ITGA4: variants seen among roughly 807,000 people sequenced by gnomAD.
ITGA4 encodes the protein integrin alpha-4.
ITGA4 carries 63 observed loss-of-function variants against 133.6 expected under a neutral mutation model. The observed-to-expected ratio is 0.47, with a 90% confidence interval of 0.38 to 0.58. The LOEUF is 0.58. ITGA4 is among the 20% of genes least tolerant of loss of function. The pLI, the probability that ITGA4 is intolerant of heterozygous loss-of-function variation, is 0.00. For synonymous variants in ITGA4, 483 were observed against 438.0 expected (o/e 1.10, Z -1.28); for missense variants, 1,076 against 1,252.7 (o/e 0.86, Z 2.13).
intron 21 of ITGA4, 29 bp downstream of exon 21, chr2:181,525,320 AT>A: frequency 1.7e-6 from 2 of 1,173,956 alleles, no homozygotes; most frequent in Non-Finnish European, 2.5e-6. Context: ...TTCCTTTCAA[AT>A]TTAGAGCTGA....
At position 181,538,589 on chromosome 2, in the gene ITGA4, C is replaced by T. The variant is rs949571017; in HGVS notation, c.*3062C>T. Among the ~76,000 whole-genome samples the T allele has an allele frequency of 9.9e-5, 15 of 152,142 alleles. No homozygotes were observed. Among genetic ancestry groups the T allele is most frequent in the African/African-American group, 3.6e-4 (15 of 41,434 alleles). On this transcript the variant is annotated 3_prime_UTR_variant, in exon 28 of 28. Transcript: ENST00000397033. ...CTACCAAGAATGCGTTTGCAGGTTCCTAAACCTGTTTATACCAGTTGCTAT... is the reference window on the plus strand; with the variant it reads ...CTACCAAGAATGCGTTTGCAGGTTCTTAAACCTGTTTATACCAGTTGCTAT...
chr2:181,523,385 A>C lies in ITGA4; in HGVS notation c.2074-52A>C. On this transcript the variant is annotated intron_variant, in intron 18 of 27. Coordinates refer to ENST00000397033, the MANE Select transcript of ITGA4 (RefSeq NM_000885.6). This position sits in a 1 kb window ranked among gnomAD's most constrained non-coding sequence, Gnocchi z 4.2. ...ATAACCATCCTTAAACATATGTTAC[A>C]AACTTTTTATTTCCTTCCTGTCCAA... 1 of 1,087,478 alleles carries C rather than the reference A, an allele frequency of 9.2e-7. No homozygotes were observed. The highest frequency in any genetic ancestry group is 1.4e-6 in the Non-Finnish European group (1 of 703,988). The allele number at this position is 1,087,478 out of a possible 1,614,324, so 67.4% of individuals were successfully genotyped here.
At chr2:181,490,484 CGTGTGTGTGTGTGTGTGTGT>C (rs35723610) in intron 10 of ITGA4, among the ~76,000 whole-genome samples, 5 of 137,742 alleles carry the variant, frequency 3.6e-5, no homozygotes, top group African/African-American at 8.2e-5. Flanking sequence ...GAATAGTATT[CGTGTGTGTGTGTGTGTGTGT>C]GTGTGTGTGT....
In ITGA4 at chr2:181,495,284, G is replaced by T. The variant is rs551093626; in HGVS notation, c.1340-87G>T. 3.3e-6 allele frequency: 3 copies of T among 917,538 alleles called. No individual in the cohort carries two copies. Among genetic ancestry groups the T allele is most frequent in the Admixed American group, 3.5e-5 (2 of 57,380 alleles). The allele number at this position is 917,538 out of a possible 1,614,324, so 56.8% of individuals were successfully genotyped here. Reference sequence around the variant, plus strand: ...TAAATAGTGTTTTAGGTAGTCAAAGGTGATACGTAGTTAAGTATTTATGGC... The same window carrying T: ...TAAATAGTGTTTTAGGTAGTCAAAGTTGATACGTAGTTAAGTATTTATGGC... On this transcript the variant is annotated intron_variant, in intron 12 of 27. Transcript: ENST00000397033. The surrounding 1 kb of genome is among the most constrained non-coding windows in gnomAD (Gnocchi z 4.3).
rs1686097105 is a variant in ITGA4 at position 181,493,425 on chromosome 2, G to A, written c.1248+6G>A. 3 of 1,558,218 alleles carry A rather than the reference G, an allele frequency of 1.9e-6. No homozygotes were observed. In the East Asian group the frequency reaches 6.8e-5, roughly 35 times the overall value. On this transcript the variant is annotated splice_donor_region_variant and intron_variant, in intron 11 of 27. Transcript: ENST00000397033. ...TCTCGTCAACCTTCTCACAGGTAAG[G>A]TACTATTCTATTTCCAAAAGAAGCA...
At chr2:181,508,969 C>G (rs1686447399) in intron 15 of ITGA4, among the ~76,000 whole-genome samples, 1 of 149,040 alleles carries the variant, frequency 6.7e-6, no homozygotes. Flanking sequence ...ATTGAAAGAC[C>G]CTGTCTCTAT....
chr2:181,537,853 C>A lies in ITGA4; in HGVS notation c.*2326C>A, dbSNP rs143931358. On this transcript the variant is annotated 3_prime_UTR_variant, in exon 28 of 28. Coordinates refer to ENST00000397033, the MANE Select transcript of ITGA4 (RefSeq NM_000885.6). ...TAACATCAATTTCTATTAGGATATC[C>A]GTTTGGCCACACAGCAGGAGGTTAG... 3 of 506,674 alleles carry A rather than the reference C, an allele frequency of 5.9e-6. No homozygotes were observed. Among genetic ancestry groups the A allele is most frequent in the East Asian group, 5.3e-5 (1 of 18,802 alleles). 31.4% of individuals were successfully genotyped at this position (506,674 alleles called of 1,614,324 possible). A position where few individuals can be genotyped will look rare whatever the true frequency, so the allele number is the denominator to read the frequency against.
chr2:181,505,218 A>T (rs2198731), intron 15 of ITGA4, among the ~76,000 whole-genome samples: 148,804 of 152,162 alleles, frequency 0.98, 72,859 homozygotes, highest in Middle Eastern at 1. Flanking sequence ...CAGTTTTGTA[A>T]CCCTAGAGCT....
At chr2:181,471,080 T>C (rs1450945838) in intron 2 of ITGA4, among the ~76,000 whole-genome samples, 1 of 152,188 alleles carries the variant, frequency 6.6e-6, no homozygotes. Context: ...GTAGTATATG[T>C]ATTTGCTCAC....
chr2:181,461,927 A>AT (rs1685290334), intron 2 of ITGA4, among the ~76,000 whole-genome samples: 3 of 152,196 alleles, frequency 2.0e-5, no homozygotes, highest in Admixed American at 1.3e-4. Flanking sequence ...AAACTCATTA[A>AT]TTTTTATGAT....
At chr2:181,501,910 T>C (rs1686281162) in intron 15 of ITGA4, among the ~76,000 whole-genome samples, 1 of 152,074 alleles carries the variant, frequency 6.6e-6, no homozygotes, top group Non-Finnish European at 1.5e-5. Context: ...TAACTTAATA[T>C]ATCTTTGGCA....
chr2:181,535,434 T>C lies in ITGA4; in HGVS notation c.3006T>C (p.Ala1002=). The C allele has an allele frequency of 4.4e-6, 7 of 1,604,074 alleles. No homozygotes were observed. The highest frequency in any genetic ancestry group is 6.0e-6 in the Non-Finnish European group (7 of 1,175,456). ...TGATTATGTTATGCTATTTTCAGGCTGGCTTCTTTAAAAGACAATACAAAT... is the reference window on the plus strand; with the variant it reads ...TGATTATGTTATGCTATTTTCAGGCCGGCTTCTTTAAAAGACAATACAAAT... ...LLLISYVMWK[A]GFFKRQYKSI... is the part of the protein sequence containing the mutation. Residue 1002 remains alanine (A), a splice_region_variant and synonymous_variant, in exon 28 of 28, where the codon GCT becomes GCC. Coordinates refer to ENST00000397033, the MANE Select transcript of ITGA4 (RefSeq NM_000885.6).
chr2:181,526,768 G>A (rs1054054193), intron 21 of ITGA4, among the ~76,000 whole-genome samples: 2 of 137,130 alleles, frequency 1.5e-5, no homozygotes, highest in East Asian at 2.3e-4. Flanking sequence ...TGGAAAGCAA[G>A]AAAAGAATAT....
rs374797715 is a variant in ITGA4, at chr2:181,475,299, A to G, written c.556+11A>G. On this transcript the variant is annotated intron_variant, in intron 4 of 27. Coordinates refer to ENST00000397033, the MANE Select transcript of ITGA4 (RefSeq NM_000885.6). The stretch of plus-strand genomic sequence containing the variant: ...CTCCGTGTTATCAAGGTAAGGCATG[A>G]TTTTGATACGAATTAGATAAAGATA... 2 of 1,602,230 alleles carry G rather than the reference A, an allele frequency of 1.2e-6. No homozygotes were observed. The highest frequency in any genetic ancestry group is 2.7e-5 in the African/African-American group (2 of 74,408).
At chr2:181,481,435 CAT>C (rs1685801579) in intron 6 of ITGA4, among the ~76,000 whole-genome samples, 161 bp from the exon 7 acceptor site, 1 of 152,140 alleles carries the variant, frequency 6.6e-6, no homozygotes, top group Admixed American at 6.6e-5. Context: ...TTGCATAAAA[CAT>C]AATGAATGAC....
At chr2:181,477,163 G>A (rs1040183798) in intron 4 of ITGA4, among the ~76,000 whole-genome samples, 11 of 151,908 alleles carry the variant, frequency 7.2e-5, no homozygotes, top group African/African-American at 1.2e-4. Context: ...GGCTATCTGC[G>A]TGCAAAAGAA....
chr2:181,498,456 T>C (rs1686202364), intron 14 of ITGA4, 167 bp from the exon 15 acceptor site: 1 of 391,110 alleles, frequency 2.6e-6, no homozygotes, highest in African/African-American at 2.1e-5. Flanking sequence ...GTATTTTTAA[T>C]TGTTCCCTCT....
At chr2:181,475,107 G>A (rs745596932) in intron 3 of ITGA4, 41 bp downstream of exon 3, 4 of 1,613,340 alleles carry the variant, frequency 2.5e-6, no homozygotes, top group Non-Finnish European at 3.4e-6. Context: ...CGTGAAATCA[G>A]CTATCCTGGG....
chr2:181,495,887 A>G lies in ITGA4; in HGVS notation c.1490A>G (p.Asp497Gly), dbSNP rs769522434. Residue 497 changes from aspartate (D) to glycine (G), a missense_variant, in exon 14 of 28, where the codon GAT (aspartate) becomes GGT (glycine). Physicochemically the swap from Asp to Gly is moderately conservative, Grantham distance 94. Around this residue, in one of 4 missense-constraint regions of ITGA4, gnomAD observed 436 missense variants for 590.7 expected, o/e 0.74. Coordinates refer to ENST00000397033, the MANE Select transcript of ITGA4 (RefSeq NM_000885.6). This position sits in a 1 kb window ranked among gnomAD's most constrained non-coding sequence, Gnocchi z 4.3. Reference protein sequence around the residue: ...VENGWPSVCIDLTLCFSYKGK... With the variant: ...VENGWPSVCIGLTLCFSYKGK... ...AATGGATGGCCTTCTGTGTGCATAG[A>G]TCTAACACTTTGTTTCTCATATAAG... is the stretch of plus-strand genomic sequence containing the variant. 1 of 1,614,020 alleles carries G rather than the reference A, an allele frequency of 6.2e-7. No individual in the cohort carries two copies.
Sources: gnomAD v4.1 joint callset for allele counts (sites outside exome capture counted in the v4.1 genomes callset) on GRCh38, gnomAD v4.1.1 for gene constraint, gnomAD v4.1.1 regional missense constraint, Gnocchi (gnomAD v3.1) non-coding constraint, MANE v1.5 for transcripts, NCBI Gene and HGNC (gene_info 2026-07-23, HGNC 2026-07-21) for gene names.